The following EPB41L4B variants were observed in gnomAD, a reference collection of about 807,000 sequenced individuals.
EPB41L4B encodes the protein erythrocyte membrane protein band 4.1 like 4B, also known as band 4.1-like protein 4B.
EPB41L4B carries 30 observed loss-of-function variants against 112.5 expected under a neutral mutation model. The observed-to-expected ratio is 0.27, with a 90% confidence interval of 0.20 to 0.36. EPB41L4B has a LOEUF of 0.36. EPB41L4B is among the 10% of genes least tolerant of loss of function. The pLI, the probability that EPB41L4B is intolerant of heterozygous loss-of-function variation, is 1.00. For synonymous variants in EPB41L4B, 408 were observed against 439.7 expected (o/e 0.93, Z 0.90); for missense variants, 1,024 against 1,133.3 (o/e 0.90, Z 1.38).
chr9:109,180,671 G>T (rs957146787), intron 24 of EPB41L4B, among the ~76,000 whole-genome samples: 1 of 152,298 alleles, frequency 6.6e-6, no homozygotes, highest in South Asian at 2.1e-4. Flanking sequence ...CTGAAGCCAT[G>T]TTGGGTAGTG....
intron 19 of EPB41L4B, among the ~76,000 whole-genome samples, chr9:109,202,599 G>GCCA (rs1430220867): frequency 2.0e-5 from 3 of 152,168 alleles, no homozygotes; most frequent in African/African-American, 4.8e-5. Context: ...TGGCAATGAG[G>GCCA]CCACCACCAC....
At chr9:109,192,434 GTTCC>G in intron 21 of EPB41L4B, 79 bp from the exon 22 acceptor site, 7 of 1,077,868 alleles carry the variant, frequency 6.5e-6, no homozygotes, top group Non-Finnish European at 9.5e-6. Flanking sequence ...ACAGGCAGAG[GTTCC>G]CAGCCTCTCC....
At chr9:109,207,834 G>A in intron 18 of EPB41L4B, 90 bp downstream of exon 18, 1 of 1,488,230 alleles carries the variant, frequency 6.7e-7, no homozygotes, top group Non-Finnish European at 9.2e-7. Context: ...GACTGACACA[G>A]CATCTCAGTC....
chr9:109,198,412 C>A (rs778170164), intron 20 of EPB41L4B, among the ~76,000 whole-genome samples: 2 of 152,188 alleles, frequency 1.3e-5, no homozygotes, highest in Non-Finnish European at 2.9e-5. Context: ...ATTATCTCAT[C>A]CATTTTACAG....
At chr9:109,309,379 C>T (rs1837331254) in intron 1 of EPB41L4B, among the ~76,000 whole-genome samples, 1 of 152,172 alleles carries the variant, frequency 6.6e-6, no homozygotes, top group Admixed American at 6.5e-5. Flanking sequence ...ACATTAATTC[C>T]TACTTAGTGA....
Position 109,174,435 on chromosome 9 carries a change from G to T in EPB41L4B, c.*119C>A. 1.0e-6 allele frequency: 1 copy of T among 968,736 alleles called. No homozygotes were observed. Among genetic ancestry groups the T allele is most frequent in the Non-Finnish European group, 1.6e-6 (1 of 609,008 alleles). 60.0% of individuals were successfully genotyped at this position (968,736 alleles called of 1,614,324 possible). ...CCAGAAATTGGCTTCAACTAACCAT[G>T]GAGACCTGGGCGAACAGAGCACACA... is the stretch of plus-strand genomic sequence containing the variant. On this transcript the variant is annotated 3_prime_UTR_variant, in exon 26 of 26. Coordinates refer to ENST00000374566, the MANE Select transcript of EPB41L4B (RefSeq NM_019114.5).
chr9:109,274,146 T>C (rs894258952), intron 2 of EPB41L4B, among the ~76,000 whole-genome samples: 4 of 152,158 alleles, frequency 2.6e-5, no homozygotes, highest in African/African-American at 9.7e-5. Context: ...GAGACAAAGG[T>C]CAAAATAATC....
chr9:109,258,196 G>A lies in EPB41L4B; in HGVS notation c.733C>T (p.Gln245Ter). 1 of 1,613,778 alleles carries A rather than the reference G, an allele frequency of 6.2e-7. No individual in the cohort carries two copies. Among genetic ancestry groups the A allele is most frequent in the Non-Finnish European group, 8.5e-7 (1 of 1,179,728 alleles). Reference sequence around the variant, plus strand: ...AGGTACCTGCACTCTTTCCATCTCTGGAAGATATCAAATTCCATTGCTTCT... The same window carrying A: ...AGGTACCTGCACTCTTTCCATCTCTAGAAGATATCAAATTCCATTGCTTCT... ...QTEAMEFDIF[Q>*]RWKECRGKSP... Residue 245 changes from glutamine to a stop codon, truncating the protein, a stop_gained, in exon 7 of 26, where the codon CAG becomes TAG. Coordinates refer to ENST00000374566, the MANE Select transcript of EPB41L4B (RefSeq NM_019114.5). LOFTEE classifies it high-confidence loss of function.
At chr9:109,236,845 A>G (rs1239960979) in intron 15 of EPB41L4B, among the ~76,000 whole-genome samples, 2 of 152,186 alleles carry the variant, frequency 1.3e-5, no homozygotes, top group Admixed American at 1.3e-4. Flanking sequence ...TCGCCTCTGC[A>G]TCTGTCCACC....
chr9:109,265,432 C>T (rs543368007), intron 4 of EPB41L4B, among the ~76,000 whole-genome samples: 6 of 152,240 alleles, frequency 3.9e-5, no homozygotes, highest in East Asian at 3.9e-4. Context: ...AGATCTGCTG[C>T]GGTGGATTGT....
chr9:109,194,689 T>C (rs1473812393), intron 20 of EPB41L4B, among the ~76,000 whole-genome samples: 1 of 152,274 alleles, frequency 6.6e-6, no homozygotes, highest in East Asian at 1.9e-4. Context: ...TTCAGTGGCA[T>C]TAAATGCATT....
chr9:109,193,665 A>G (rs537546727), intron 21 of EPB41L4B, among the ~76,000 whole-genome samples: 1 of 152,254 alleles, frequency 6.6e-6, no homozygotes, highest in Non-Finnish European at 1.5e-5. Flanking sequence ...ATTGCCAAAG[A>G]GTAATCGTAG....
chr9:109,252,146 G>A (rs1244953240), intron 12 of EPB41L4B, among the ~76,000 whole-genome samples: 1 of 152,158 alleles, frequency 6.6e-6, no homozygotes, highest in East Asian at 1.9e-4. Context: ...ACCACAGGAC[G>A]TCCACTTCCC....
chr9:109,268,013 T>A (rs575416312), intron 3 of EPB41L4B, among the ~76,000 whole-genome samples: 134 of 152,346 alleles, frequency 8.8e-4, no homozygotes, highest in African/African-American at 3.1e-3. Flanking sequence ...CACCTGTACA[T>A]TGAGAAAGCT....
At chr9:109,249,374 G>A (rs570130968) in intron 13 of EPB41L4B, among the ~76,000 whole-genome samples, 2 of 152,036 alleles carry the variant, frequency 1.3e-5, no homozygotes, top group South Asian at 2.1e-4. Context: ...TTTCATCCAC[G>A]GCTCCCACAG....
intron 13 of EPB41L4B, among the ~76,000 whole-genome samples, chr9:109,249,038 G>A (rs12236062): frequency 4.5e-5 from 6 of 133,426 alleles, no homozygotes; most frequent in East Asian, 4.3e-4. Flanking sequence ...TAGCCTGGGC[G>A]ACAGAGCGAG....
chr9:109,255,987 G>C, intron 9 of EPB41L4B, 144 bp from the exon 10 acceptor site: 1 of 1,176,580 alleles, frequency 8.5e-7, no homozygotes, highest in Non-Finnish European at 1.2e-6. Context: ...AGAAGTTTCA[G>C]CGCAACTGCC....
chr9:109,260,626 G>A (rs1005748582), intron 6 of EPB41L4B, among the ~76,000 whole-genome samples: 2 of 152,076 alleles, frequency 1.3e-5, no homozygotes, highest in Non-Finnish European at 2.9e-5. Flanking sequence ...TGTTGGCCAG[G>A]CTGGTCTTGA....
intron 20 of EPB41L4B, among the ~76,000 whole-genome samples, chr9:109,195,001 A>G (rs1354261294): frequency 6.6e-6 from 1 of 152,256 alleles, no homozygotes; most frequent in African/African-American, 2.4e-5. Flanking sequence ...AAATTCCATT[A>G]TATGGATATA....
Sources: gnomAD v4.1 joint callset for allele counts (sites outside exome capture counted in the v4.1 genomes callset) on GRCh38, gnomAD v4.1.1 for gene constraint, MANE v1.5 for transcripts, NCBI Gene and HGNC (gene_info 2026-07-23, HGNC 2026-07-21) for gene names.